N4BP2L2: variants seen among roughly 807,000 people sequenced by gnomAD.
N4BP2L2 encodes the protein NEDD4 binding protein 2 like 2.
A neutral mutation model predicts 56.2 loss-of-function variants in N4BP2L2; 50 were observed. The ratio of observed to expected loss-of-function variants is 0.89; its 90% confidence interval spans 0.71 to 1.13. The LOEUF is 1.13. Ranked by LOEUF, N4BP2L2 falls within the 50% of genes most tolerant of loss-of-function variation. The pLI is 0.00. For missense variants in N4BP2L2, 689 were observed against 693.8 expected (o/e 0.99, Z 0.08); for synonymous variants, 203 against 223.6 (o/e 0.91, Z 0.82).
chr13:32,538,774 T>G, exon 1 of N4BP2L2: 1 of 985,278 alleles, frequency 1.0e-6, no homozygotes, highest in South Asian at 4.7e-5. Flanking sequence ...GTAACAAACC[T>G]CACCTCCGTA....
intron 4 of N4BP2L2, 53 bp from the exon 5 acceptor site, chr13:32,521,502 A>G: frequency 8.0e-7 from 1 of 1,249,256 alleles, no homozygotes; most frequent in Non-Finnish European, 1.1e-6. Context: ...TTCTTAAAGT[A>G]AAAAGAAGGC....
chr13:32,516,909 T>C, exon 6 of N4BP2L2: 1 of 984,982 alleles, frequency 1.0e-6, no homozygotes, highest in Non-Finnish European at 1.2e-6. Context: ...CCATCTCAGT[T>C]TTTAATTTTA....
intron 6 of N4BP2L2, among the ~76,000 whole-genome samples, chr13:32,481,380 A>G (rs1056559682): frequency 6.6e-6 from 1 of 152,118 alleles, no homozygotes; most frequent in Non-Finnish European, 1.5e-5. Context: ...CTGAAGCTCA[A>G]TGATTGACAC....
intron 6 of N4BP2L2, among the ~76,000 whole-genome samples, chr13:32,445,539 G>T (rs2076927372): frequency 6.6e-6 from 1 of 152,254 alleles, no homozygotes; most frequent in African/African-American, 2.4e-5. Flanking sequence ...TTGATAATGA[G>T]CTGTTGAGTC....
intron 6 of N4BP2L2, among the ~76,000 whole-genome samples, chr13:32,455,469 G>A (rs979787751): frequency 6.6e-6 from 1 of 152,204 alleles, no homozygotes; most frequent in Non-Finnish European, 1.5e-5. Context: ...CACTGCTGCT[G>A]CAGGGGCCAA....
At chr13:32,446,645 T>G in intron 6 of N4BP2L2, 5 of 510,682 alleles carry the variant, frequency 9.8e-6, no homozygotes, top group Non-Finnish European at 1.3e-5. Context: ...AACAGCTCTC[T>G]ACTGTACAAA....
intron 6 of N4BP2L2, among the ~76,000 whole-genome samples, chr13:32,502,119 A>G (rs2139581244): frequency 6.7e-6 from 1 of 148,792 alleles, no homozygotes; most frequent in Admixed American, 6.7e-5. Flanking sequence ...GCTGGAATAC[A>G]GTGGCACGAT....
intron 6 of N4BP2L2, among the ~76,000 whole-genome samples, chr13:32,482,309 A>C (rs1486697472): frequency 6.6e-6 from 1 of 152,178 alleles, no homozygotes; most frequent in Non-Finnish European, 1.5e-5. Flanking sequence ...GTATACAATG[A>C]ATTGTTATAG....
chr13:32,537,049 C>A (rs1467836830), intron 1 of N4BP2L2, 22 bp from the exon 2 acceptor site: 7 of 1,401,366 alleles, frequency 5.0e-6, no homozygotes, highest in Admixed American at 5.0e-5. Context: ...ATAAATCATA[C>A]AATTACTAGC....
chr13:32,508,929 G>A (rs947041403), downstream of N4BP2L2: 3 of 152,080 alleles, frequency 2.0e-5, no homozygotes, highest in African/African-American at 4.8e-5. Flanking sequence ...GTGTTAAAGC[G>A]AAAAACCTTA....
chr13:32,502,667 C>T (rs749814830), intron 6 of N4BP2L2, among the ~76,000 whole-genome samples: 7 of 152,140 alleles, frequency 4.6e-5, no homozygotes, highest in Non-Finnish European at 8.8e-5. Flanking sequence ...AACTTAACTT[C>T]GAATTCTGCA....
chr13:32,527,014 G>A (rs750277597), intron 3 of N4BP2L2: 5 of 154,852 alleles, frequency 3.2e-5, no homozygotes, highest in African/African-American at 7.3e-5. Context: ...AGTATATTAA[G>A]CCTTGGAAAA....
At chr13:32,516,613 A>C (rs1006182086) in exon 6 of N4BP2L2, 1 of 152,616 alleles carries the variant, frequency 6.6e-6, no homozygotes, top group East Asian at 1.9e-4. Context: ...GAAAGCTTAA[A>C]GGCCACAAAA....
chr13:32,498,232 C>G (rs2089208854), intron 6 of N4BP2L2, among the ~76,000 whole-genome samples: 2 of 152,162 alleles, frequency 1.3e-5, no homozygotes, highest in Admixed American at 6.5e-5. Flanking sequence ...TAATTCCTCC[C>G]AAAGTGTTGG....
At chr13:32,437,360 A>G (rs1437021333) in intron 8 of N4BP2L2, among the ~76,000 whole-genome samples, 2 of 152,232 alleles carry the variant, frequency 1.3e-5, no homozygotes. Flanking sequence ...GTTTATGAGA[A>G]CAGTTAAGAA....
intron 6 of N4BP2L2, among the ~76,000 whole-genome samples, chr13:32,499,030 A>G (rs948370929): frequency 2.0e-5 from 3 of 151,824 alleles, no homozygotes; most frequent in East Asian, 1.9e-4. Flanking sequence ...TAAAAAAGAA[A>G]TATTGTTGCA....
At chr13:32,521,528 A>G (rs2050908255) in intron 4 of N4BP2L2, 79 bp from the exon 5 acceptor site, 1 of 946,364 alleles carries the variant, frequency 1.1e-6, no homozygotes, top group Non-Finnish European at 1.7e-6. Context: ...GTTAAATTTC[A>G]TTTCGACAAT....
Position 32,469,623 on chromosome 13 carries a change from C to T in N4BP2L2, c.366-25497G>A, listed in dbSNP as rs895631762. Among the ~76,000 whole-genome samples the T allele has an allele frequency of 4.6e-5, 7 of 152,334 alleles. No homozygotes were observed. The South Asian group carries it at 1.0e-3, about 23-fold the overall frequency. On this transcript the variant is annotated intron_variant, in intron 6 of 9. Transcript: ENST00000357505. ...GGAGTTAGGCAACTAATGTCGGCAGCGTCTGGGGGGTCCCCTCCCTGCCTG... is the reference window on the plus strand; with the variant it reads ...GGAGTTAGGCAACTAATGTCGGCAGTGTCTGGGGGGTCCCCTCCCTGCCTG...
At chr13:32,446,464 C>T (rs984379495) in intron 6 of N4BP2L2, 2 of 1,336,534 alleles carry the variant, frequency 1.5e-6, no homozygotes, top group East Asian at 4.8e-5. Flanking sequence ...CCTGTCTTTA[C>T]TCAAATGTGA....
Sources: allele counts gnomAD v4.1 joint callset (sites outside exome capture counted in the v4.1 genomes callset), GRCh38; gene constraint gnomAD v4.1.1; transcripts MANE v1.5; gene names NCBI Gene and HGNC (gene_info 2026-07-23, HGNC 2026-07-21).